The following ADGRL3 variants were observed in gnomAD, a reference collection of about 807,000 sequenced individuals.
ADGRL3 encodes the protein calcium-independent alpha-latrotoxin receptor 3.
Under a neutral mutation model 153.5 loss-of-function variants are expected in ADGRL3, and 62 were observed. That is an observed-to-expected ratio of 0.40 (90% CI 0.33 to 0.50). The LOEUF (loss-of-function observed/expected upper bound fraction) is 0.50, where lower values mean the gene tolerates loss of function less well. ADGRL3 is among the 20% of genes least tolerant of loss of function. The pLI, the probability that ADGRL3 is intolerant of heterozygous loss-of-function variation, is 0.47. For synonymous variants in ADGRL3, 710 were observed against 672.5 expected (o/e 1.06, Z -0.86); for missense variants, 1,641 against 1,859.4 (o/e 0.88, Z 2.16).
chr4:61,723,927 G>C (rs1039243584), intron 6 of ADGRL3, among the ~76,000 whole-genome samples: 1 of 152,054 alleles, frequency 6.6e-6, no homozygotes, highest in Admixed American at 6.6e-5. Flanking sequence ...CATGAGTTTC[G>C]ATGAGGATGA....
rs117562928 is a variant in ADGRL3 at position 61,955,690 on chromosome 4, C to T, written c.2805+7414C>T. 1.4e-4 allele frequency among the ~76,000 whole-genome samples: 21 copies of T among 152,220 alleles called. No individual in the cohort carries two copies. In the East Asian group the frequency reaches 3.9e-3, roughly 28 times the overall value. On this transcript the variant is annotated intron_variant, in intron 17 of 26. Transcript: ENST00000683033. The stretch of plus-strand genomic sequence containing the variant: ...TCATCTAAGTTCCCTTCCCTCACCC[C>T]CCAATCCCACAACAGGGCCTGGTGT...
intron 2 of ADGRL3, among the ~76,000 whole-genome samples, chr4:61,482,531 A>T (rs1456182777): frequency 6.6e-6 from 1 of 152,144 alleles, no homozygotes; most frequent in Non-Finnish European, 1.5e-5. Flanking sequence ...GTCCTTGTGA[A>T]TCACCACTCT....
At chr4:61,434,260 T>A (rs543766292) in intron 2 of ADGRL3, among the ~76,000 whole-genome samples, 1 of 152,098 alleles carries the variant, frequency 6.6e-6, no homozygotes, top group Non-Finnish European at 1.5e-5. Context: ...TAATGAGGTC[T>A]GCAATGGTCA....
At chr4:61,602,319 T>C (rs1402129019) in intron 5 of ADGRL3, among the ~76,000 whole-genome samples, 1 of 152,112 alleles carries the variant, frequency 6.6e-6, no homozygotes, top group Non-Finnish European at 1.5e-5. Context: ...CCTAAAGTAA[T>C]TACTTGGTGA....
At chr4:61,352,528 G>A (rs918333196) in intron 1 of ADGRL3, among the ~76,000 whole-genome samples, 2 of 151,892 alleles carry the variant, frequency 1.3e-5, no homozygotes, top group East Asian at 3.9e-4. Flanking sequence ...GGGATTACAG[G>A]CACGCAACAC....
intron 4 of ADGRL3, among the ~76,000 whole-genome samples, chr4:61,519,137 A>T (rs933301813): frequency 6.6e-6 from 1 of 152,172 alleles, no homozygotes; most frequent in East Asian, 1.9e-4. Context: ...ACACAAACAC[A>T]TAGCTGCTGG....
chr4:61,924,612 C>G (rs2098786382), intron 13 of ADGRL3, among the ~76,000 whole-genome samples: 1 of 152,156 alleles, frequency 6.6e-6, no homozygotes, highest in Admixed American at 6.5e-5. Context: ...CCTCCCACCT[C>G]TACTGTTTCC....
At chr4:62,013,357 TG>T (rs2099195548) in intron 21 of ADGRL3, among the ~76,000 whole-genome samples, 1 of 151,774 alleles carries the variant, frequency 6.6e-6, no homozygotes, top group Non-Finnish European at 1.5e-5. Flanking sequence ...CTCACCAACA[TG>T]GTGGAACCCC....
chr4:61,264,478 G>A (rs1237007097), intron 1 of ADGRL3, among the ~76,000 whole-genome samples: 4 of 151,992 alleles, frequency 2.6e-5, no homozygotes, highest in Non-Finnish European at 5.9e-5. Context: ...GTAAGTGTAT[G>A]AGGGCTGCTC....
At chr4:61,869,175 C>T (rs1335272809) in intron 9 of ADGRL3, among the ~76,000 whole-genome samples, 1 of 152,162 alleles carries the variant, frequency 6.6e-6, no homozygotes, top group Admixed American at 6.5e-5. Flanking sequence ...AACTCCTGGG[C>T]TCAAGCCACC....
At chr4:61,556,235 T>C (rs1400286392) in intron 4 of ADGRL3, among the ~76,000 whole-genome samples, 2 of 152,230 alleles carry the variant, frequency 1.3e-5, no homozygotes, top group African/African-American at 2.4e-5. Flanking sequence ...TGTTGATCTA[T>C]TGGGAGTTTG....
intron 1 of ADGRL3, among the ~76,000 whole-genome samples, chr4:61,251,141 G>A (rs10018853): frequency 0.3 from 45,405 of 152,034 alleles, 7,000 homozygotes; most frequent in East Asian, 0.39. Context: ...GTGAGTGCTT[G>A]TCTCTGCTCC....
rs182813579 is a variant in ADGRL3, at chr4:61,860,630, C to T, written c.1481-32026C>T. Among the ~76,000 whole-genome samples, 226 of 152,174 alleles carry T rather than the reference C, an allele frequency of 1.5e-3. 1 individual carries two copies. The highest frequency in any genetic ancestry group is 5.2e-3 in the African/African-American group (214 of 41,492). On this transcript the variant is annotated intron_variant, in intron 9 of 26. Transcript: ENST00000683033. Reference sequence around the variant, plus strand: ...ATTCTTATCCACTCTACTCCATCTGCGGTCCTTCCCCAGAGTGTCATGGCT... The same window carrying T: ...ATTCTTATCCACTCTACTCCATCTGTGGTCCTTCCCCAGAGTGTCATGGCT...
intron 5 of ADGRL3, among the ~76,000 whole-genome samples, chr4:61,628,291 TAG>T: frequency 6.6e-6 from 1 of 152,308 alleles, no homozygotes; most frequent in East Asian, 1.9e-4. Flanking sequence ...AGTTCTGTCC[TAG>T]AGTCTCTCTG....
At chr4:61,992,874 A>C (rs2150995695) in intron 19 of ADGRL3, among the ~76,000 whole-genome samples, 1 of 152,300 alleles carries the variant, frequency 6.6e-6, no homozygotes, top group Non-Finnish European at 1.5e-5. Flanking sequence ...TTACTTTAAC[A>C]AAACATTTGG....
chr4:61,906,147 G>A (rs2098694607), intron 11 of ADGRL3, among the ~76,000 whole-genome samples: 1 of 151,642 alleles, frequency 6.6e-6, no homozygotes, highest in Non-Finnish European at 1.5e-5. Context: ...AATTACTTAT[G>A]TAGTGTGTTT....
At chr4:61,698,066 A>G (rs1455133128) in intron 6 of ADGRL3, among the ~76,000 whole-genome samples, 1 of 151,752 alleles carries the variant, frequency 6.6e-6, no homozygotes, top group African/African-American at 2.4e-5. Flanking sequence ...GGAGATTCTA[A>G]CTCTTCCTTT....
intron 1 of ADGRL3, among the ~76,000 whole-genome samples, chr4:61,304,058 A>C (rs1460368524): frequency 1.3e-5 from 2 of 152,170 alleles, no homozygotes; most frequent in Non-Finnish European, 1.5e-5. Context: ...ACTGCTGTGC[A>C]CAGATGTGAT....
At chr4:61,601,774 A>G (rs1407618677) in intron 5 of ADGRL3, among the ~76,000 whole-genome samples, 1 of 152,108 alleles carries the variant, frequency 6.6e-6, no homozygotes, top group African/African-American at 2.4e-5. Flanking sequence ...TTTTGAAAAG[A>G]TTTTCAGAGG....
Sources: allele counts gnomAD v4.1 joint callset (sites outside exome capture counted in the v4.1 genomes callset), GRCh38; gene constraint gnomAD v4.1.1; transcripts MANE v1.5; gene names NCBI Gene and HGNC (gene_info 2026-07-23, HGNC 2026-07-21).